XPR1: variants seen among roughly 807,000 people sequenced by gnomAD.
XPR1 encodes the protein solute carrier family 53 member 1.
XPR1 carries 28 observed loss-of-function variants against 87.5 expected under a neutral mutation model. The ratio of observed to expected loss-of-function variants is 0.32; its 90% CI spans 0.24 to 0.44. The LOEUF is 0.44. Ranked by LOEUF, XPR1 falls within the 20% of genes least tolerant of loss-of-function variation. XPR1 has a pLI of 1.00. For synonymous variants in XPR1, 300 were observed against 306.1 expected (o/e 0.98, Z 0.21); for missense variants, 559 against 862.3 (o/e 0.65, Z 4.41).
intron 2 of XPR1, among the ~76,000 whole-genome samples, chr1:180,722,137 G>C (rs962809278): frequency 6.6e-6 from 1 of 152,148 alleles, no homozygotes; most frequent in African/African-American, 2.4e-5. Flanking sequence ...GTGTGGTGGT[G>C]TGTGCCTGTA....
At chr1:180,783,545 T>G (rs1322090991) in intron 2 of XPR1, among the ~76,000 whole-genome samples, 1 of 152,088 alleles carries the variant, frequency 6.6e-6, no homozygotes, top group African/African-American at 2.4e-5. Context: ...TTTCTATGAA[T>G]GTACATATGA....
chr1:180,695,457 CGCGCTTTTGTTGCCT>C, intron 2 of XPR1, among the ~76,000 whole-genome samples: 1 of 145,256 alleles, frequency 6.9e-6, no homozygotes, highest in Admixed American at 7.4e-5. Flanking sequence ...CGCGCACGCG[CGCGCTTTTGTTGCCT>C]GCGCTTTTGA....
Position 180,748,400 on chromosome 1 carries a change from C to CTTTTTTTTTT in XPR1, c.122-39327_122-39318dup, listed in dbSNP as rs71297873. Among the ~76,000 whole-genome samples the CTTTTTTTTTT allele has an allele frequency of 4.6e-3, 137 of 29,682 alleles. 37 individuals are homozygous for CTTTTTTTTTT. The highest frequency in any genetic ancestry group is 6.3e-3 in the East Asian group (4 of 630). The allele number at this position is 29,682 out of a possible 152,430, so 19.5% of individuals were successfully genotyped here. ...TGCTACTCTGTGTTATTATTTATGT[C>CTTTTTTTTTT]TTTTTTTTTTTTTTTTTTTTTTTTT... is the stretch of plus-strand genomic sequence containing the variant. On this transcript the variant is annotated intron_variant, in intron 2 of 14. Transcript: ENST00000367590.
At chr1:180,753,975 C>A (rs1312076781) in intron 2 of XPR1, among the ~76,000 whole-genome samples, 1 of 152,216 alleles carries the variant, frequency 6.6e-6, no homozygotes, top group Non-Finnish European at 1.5e-5. Context: ...TCTGCTCTTA[C>A]ATCTTTGCAA....
intron 2 of XPR1, among the ~76,000 whole-genome samples, chr1:180,775,090 A>G (rs1648662535): frequency 1.3e-5 from 2 of 152,192 alleles, no homozygotes; most frequent in African/African-American, 4.8e-5. Context: ...TCTAAATACT[A>G]TGGCATGGGT....
intron 2 of XPR1, among the ~76,000 whole-genome samples, chr1:180,694,772 T>TGC (rs1553237451): frequency 2.9e-5 from 3 of 101,820 alleles, no homozygotes; most frequent in African/African-American, 5.4e-5. Flanking sequence ...GATTGTTGTG[T>TGC]GCACACACAC....
chr1:180,696,210 A>G (rs61809335), intron 2 of XPR1, among the ~76,000 whole-genome samples: 7,337 of 88,298 alleles, frequency 0.083, 176 homozygotes, highest in East Asian at 0.17. Context: ...GTGTGTGTGT[A>G]TATATATATA....
intron 13 of XPR1, among the ~76,000 whole-genome samples, chr1:180,878,754 T>G (rs1652745538): frequency 1.3e-5 from 2 of 152,156 alleles, no homozygotes; most frequent in Non-Finnish European, 1.5e-5. Context: ...TTACTTTACT[T>G]CCCAGCAAAG....
chr1:180,864,435 GC>G (rs1652321441), intron 12 of XPR1, among the ~76,000 whole-genome samples: 1 of 152,030 alleles, frequency 6.6e-6, no homozygotes, highest in East Asian at 1.9e-4. Context: ...TCACTTCCAA[GC>G]ATAATTACTG....
chr1:180,688,581 C>A lies in XPR1; in HGVS notation c.121+6170C>A, dbSNP rs114089411. Among the ~76,000 whole-genome samples, 1,121 of 152,070 alleles carry A rather than the reference C, an allele frequency of 7.4e-3. 8 individuals carry two copies. Among genetic ancestry groups the A allele is most frequent in the Middle Eastern group, 0.017 (5 of 292 alleles). ...ATTTGTAACAAATTATATTAAACTGCAAACTGGAGGTTTCCCATCAGTGCA... is the reference window on the plus strand; with the variant it reads ...ATTTGTAACAAATTATATTAAACTGAAAACTGGAGGTTTCCCATCAGTGCA... On this transcript the variant is annotated intron_variant, in intron 2 of 14. Transcript: ENST00000367590.
chr1:180,827,153 C>CAAAAAAAAAAAAAAAAAAA (rs11324246), intron 9 of XPR1, among the ~76,000 whole-genome samples: 1 of 66,894 alleles, frequency 1.5e-5, no homozygotes, highest in African/African-American at 6.1e-5. Flanking sequence ...GACTCCTTCT[C>CAAAAAAAAAAAAAAAAAAA]AAAAAAAAAA....
chr1:180,685,730 C>A lies in XPR1; in HGVS notation c.121+3319C>A, dbSNP rs142836071. On this transcript the variant is annotated intron_variant, in intron 2 of 14. Transcript: ENST00000367590. ...TTAGTCTTGGGGAGGATGTATGTGT[C>A]GAGGAATTTATCCATTTCTTCTAGA... is the stretch of plus-strand genomic sequence containing the variant. Among the ~76,000 whole-genome samples the A allele has an allele frequency of 2.0e-5, 3 of 152,034 alleles. No homozygotes were observed. In the East Asian group the frequency reaches 5.8e-4, roughly 29 times the overall value.
Position 180,678,487 on chromosome 1 carries a change from A to T in XPR1, c.70-3873A>T, listed in dbSNP as rs1335415155. Among the ~76,000 whole-genome samples the T allele has an allele frequency of 3.3e-5, 5 of 152,112 alleles. No individual in the cohort carries two copies. In the East Asian group the frequency reaches 7.7e-4, roughly 23 times the overall value. On this transcript the variant is annotated intron_variant, in intron 1 of 14. Coordinates refer to ENST00000367590, the MANE Select transcript of XPR1 (RefSeq NM_004736.4). ...TACTGGACACAAAGACCAAATATTAATTTTTTATTATACCTCAGTTGCATT... is the reference window on the plus strand; with the variant it reads ...TACTGGACACAAAGACCAAATATTATTTTTTTATTATACCTCAGTTGCATT...
intron 2 of XPR1, among the ~76,000 whole-genome samples, chr1:180,733,003 G>A (rs539597428): frequency 7.9e-5 from 12 of 152,274 alleles, no homozygotes; most frequent in Admixed American, 7.2e-4. Flanking sequence ...CCTCTGCATC[G>A]TTCTGCTTCT....
intron 1 of XPR1, among the ~76,000 whole-genome samples, chr1:180,678,605 A>C (rs1176473277): frequency 9.9e-5 from 15 of 152,200 alleles, no homozygotes; most frequent in Admixed American, 9.8e-4. Flanking sequence ...TGTACATCAT[A>C]CATCATTTTC....
Position 180,806,210 on chromosome 1 carries a change from A to C in XPR1, c.596A>C (p.Glu199Ala). ...ATCAACCAGCTTATCTCTGAAACTG[A>C]GGTACAATAATCTCGTTTATTTACA... ...KKINQLISET[E>A]AVVTNELEDG... is the part of the protein sequence containing the mutation. Residue 199 changes from glutamate to alanine, a missense_variant and splice_region_variant, in exon 5 of 15, where the codon GAG (glutamate) becomes GCG (alanine). Physicochemically the swap from Glu to Ala is moderately radical, Grantham distance 107. Coordinates refer to ENST00000367590, the MANE Select transcript of XPR1 (RefSeq NM_004736.4). The C allele has an allele frequency of 6.2e-7, 1 of 1,611,914 alleles. No individual in the cohort carries two copies. Among genetic ancestry groups the C allele is most frequent in the Non-Finnish European group, 8.5e-7 (1 of 1,178,590 alleles).
intron 1 of XPR1, among the ~76,000 whole-genome samples, chr1:180,680,906 A>G (rs563913483): frequency 6.6e-6 from 1 of 152,364 alleles, no homozygotes; most frequent in South Asian, 2.1e-4. Context: ...ATCATTTGTG[A>G]CAACATGAAT....
chr1:180,762,339 A>G (rs1648074191), intron 2 of XPR1, among the ~76,000 whole-genome samples: 1 of 152,054 alleles, frequency 6.6e-6, no homozygotes, highest in African/African-American at 2.4e-5. Context: ...ATAAAACATG[A>G]AGAAGAAACA....
intron 14 of XPR1, among the ~76,000 whole-genome samples, chr1:180,882,011 A>C: frequency 6.6e-6 from 1 of 152,222 alleles, no homozygotes; most frequent in East Asian, 1.9e-4. Context: ...CAGTGAGATA[A>C]GTGCCACAAA....
Sources: allele counts gnomAD v4.1 joint callset (sites outside exome capture counted in the v4.1 genomes callset), GRCh38; gene constraint gnomAD v4.1.1; transcripts MANE v1.5; gene names NCBI Gene and HGNC (gene_info 2026-07-23, HGNC 2026-07-21).